The following WDR70 variants were observed in gnomAD, a reference collection of about 807,000 sequenced individuals.
The protein encoded by WDR70 is WD repeat-containing protein 70.
In WDR70, 53 loss-of-function variants were observed where a neutral mutation model predicts 88.6. That is an observed-to-expected ratio of 0.60 (90% CI 0.48 to 0.75). The LOEUF (loss-of-function observed/expected upper bound fraction) is 0.75, where lower values mean the gene tolerates loss of function less well. WDR70 is among the 30% of genes least tolerant of loss of function. The pLI is 0.00. For synonymous variants in WDR70, 280 were observed against 270.0 expected (o/e 1.04, Z -0.36); for missense variants, 610 against 823.2 (o/e 0.74, Z 3.17).
intron 8 of WDR70, among the ~76,000 whole-genome samples, chr5:37,483,148 A>T (rs1273875948): frequency 1.4e-5 from 2 of 142,208 alleles, no homozygotes; most frequent in African/African-American, 5.2e-5. Context: ...TGTTTCTCGC[A>T]GAGGGGGATT....
At chr5:37,691,730 T>C (rs1746801261) in intron 10 of WDR70, among the ~76,000 whole-genome samples, 1 of 152,222 alleles carries the variant, frequency 6.6e-6, no homozygotes, top group African/African-American at 2.4e-5. Context: ...GGGAAATTTA[T>C]AGCACTAAAT....
At chr5:37,479,563 G>T in intron 7 of WDR70, 1 of 252,230 alleles carries the variant, frequency 4.0e-6, no homozygotes, top group Non-Finnish European at 7.7e-6. Flanking sequence ...TAGAGATGGG[G>T]TTTCACCATG....
At chr5:37,385,970 A>ATT (rs35515826) in intron 3 of WDR70, among the ~76,000 whole-genome samples, 71 of 139,572 alleles carry the variant, frequency 5.1e-4, no homozygotes, top group Middle Eastern at 3.6e-3. Context: ...TGCCTGGCTA[A>ATT]TTTTTTTTTT....
chr5:37,559,004 G>T (rs1320896063), intron 9 of WDR70, among the ~76,000 whole-genome samples: 1 of 151,648 alleles, frequency 6.6e-6, no homozygotes, highest in Non-Finnish European at 1.5e-5. Context: ...TGTGCTCTTG[G>T]CTCACTGTAA....
Position 37,527,716 on chromosome 5 carries a change from T to C in WDR70, c.917+11126T>C, listed in dbSNP as rs575526654. Among the ~76,000 whole-genome samples the C allele has an allele frequency of 2.6e-5, 4 of 151,860 alleles. No individual in the cohort carries two copies. The South Asian group carries it at 8.3e-4, about 32-fold the overall frequency. ...AGGCAACCTACAAAATGGGAGAAAATTTTTGCAATCTACTCATCTGACAAA... is the reference window on the plus strand; with the variant it reads ...AGGCAACCTACAAAATGGGAGAAAACTTTTGCAATCTACTCATCTGACAAA... On this transcript the variant is annotated intron_variant, in intron 9 of 17. Transcript: ENST00000265107.
chr5:37,434,639 A>G (rs1014443600), intron 5 of WDR70, among the ~76,000 whole-genome samples: 1 of 152,154 alleles, frequency 6.6e-6, no homozygotes. Flanking sequence ...TTCTGTAAGG[A>G]TGTTCATCAG....
chr5:37,641,797 T>G (rs1039607812), intron 10 of WDR70, among the ~76,000 whole-genome samples: 1 of 152,304 alleles, frequency 6.6e-6, no homozygotes, highest in South Asian at 2.1e-4. Context: ...GTATAAACAT[T>G]AGGCTCATTT....
rs1272853373 is a variant in WDR70 at position 37,497,046 on chromosome 5, G to T, written c.840+17059G>T. Reference sequence around the variant, plus strand: ...TTTCTTTTATTGCAAATCATGAACTGTTTTCCTTGCTCAGAGGCAGATATC... The same window carrying T: ...TTTCTTTTATTGCAAATCATGAACTTTTTTCCTTGCTCAGAGGCAGATATC... On this transcript the variant is annotated intron_variant, in intron 8 of 17. Transcript: ENST00000265107. Among the ~76,000 whole-genome samples the T allele has an allele frequency of 3.3e-5, 5 of 152,340 alleles. No individual in the cohort carries two copies. The South Asian group carries it at 1.0e-3, about 32-fold the overall frequency.
In WDR70 at chr5:37,618,861, A is replaced by G. The variant is rs185057937; in HGVS notation, c.1092+13623A>G. On this transcript the variant is annotated intron_variant, in intron 10 of 17. Transcript: ENST00000265107. ...ACTACAAGAAGAGAAAGGTGGAAGC[A>G]GGGTGACTGGTTAGGGGCTATTTTA... Among the ~76,000 whole-genome samples the G allele has an allele frequency of 2.2e-4, 34 of 152,312 alleles. No homozygotes were observed. The South Asian group carries it at 6.8e-3, about 31-fold the overall frequency.
chr5:37,484,310 C>T (rs917637061), intron 8 of WDR70, among the ~76,000 whole-genome samples: 10 of 152,316 alleles, frequency 6.6e-5, no homozygotes, highest in African/African-American at 1.7e-4. Context: ...CCCGGCACCT[C>T]GGGAGGCTGA....
chr5:37,626,566 G>A (rs61168828), intron 10 of WDR70, among the ~76,000 whole-genome samples: 249 of 152,254 alleles, frequency 1.6e-3, no homozygotes, highest in African/African-American at 5.8e-3. Flanking sequence ...ACTGGCTGTA[G>A]TTTTCCGCTT....
intron 9 of WDR70, among the ~76,000 whole-genome samples, chr5:37,604,095 A>G (rs1743963994): frequency 6.6e-6 from 1 of 152,096 alleles, no homozygotes; most frequent in Non-Finnish European, 1.5e-5. Flanking sequence ...TCATTTTTAC[A>G]TTTGTAGTAT....
intron 10 of WDR70, among the ~76,000 whole-genome samples, chr5:37,678,959 C>G (rs1221961609): frequency 6.6e-6 from 1 of 152,310 alleles, no homozygotes; most frequent in Middle Eastern, 3.4e-3. Flanking sequence ...CTAAACTTCC[C>G]TTCTCGCTTC....
At chr5:37,509,314 G>A (rs1380678180) in intron 8 of WDR70, among the ~76,000 whole-genome samples, 1 of 151,694 alleles carries the variant, frequency 6.6e-6, no homozygotes, top group African/African-American at 2.4e-5. Flanking sequence ...TTTTTATTCA[G>A]TTCACTTGGG....
At chr5:37,599,717 C>T (rs1404901201) in intron 9 of WDR70, among the ~76,000 whole-genome samples, 1 of 152,018 alleles carries the variant, frequency 6.6e-6, no homozygotes, top group African/African-American at 2.4e-5. Flanking sequence ...CATGGCAAAA[C>T]CCCATCTCTA....
At chr5:37,487,407 A>T (rs1441120326) in intron 8 of WDR70, among the ~76,000 whole-genome samples, 2 of 151,602 alleles carry the variant, frequency 1.3e-5, no homozygotes, top group Admixed American at 1.3e-4. Flanking sequence ...GTAATTAGTA[A>T]TTGTGGTTTA....
chr5:37,489,567 G>A (rs999830178), intron 8 of WDR70, among the ~76,000 whole-genome samples: 4 of 151,890 alleles, frequency 2.6e-5, no homozygotes, highest in African/African-American at 7.3e-5. Context: ...GGTAGACTGG[G>A]CAGGGTGAAC....
At position 37,639,519 on chromosome 5, in the gene WDR70, T is replaced by TTTG. The variant is rs570968087; in HGVS notation, c.1092+34305_1092+34307dup. Among the ~76,000 whole-genome samples, 111 of 152,130 alleles carry TTTG rather than the reference T, an allele frequency of 7.3e-4. 1 individual carries two copies. The highest frequency in any genetic ancestry group is 1.3e-3 in the African/African-American group (52 of 41,528). On this transcript the variant is annotated intron_variant, in intron 10 of 17. Coordinates refer to ENST00000265107, the MANE Select transcript of WDR70 (RefSeq NM_018034.4). ...ATGAATGTTTTTATATCTTAATTCC[T>TTTG]TTGTTGTTGTTGTTGTTGTTGTTGT...
intron 9 of WDR70, among the ~76,000 whole-genome samples, chr5:37,531,031 A>G (rs994649594): frequency 4.6e-5 from 7 of 152,126 alleles, no homozygotes; most frequent in South Asian, 2.1e-4. Context: ...TTGAATTTCC[A>G]TCTTGATTTC....
Sources: gnomAD v4.1 joint callset for allele counts (sites outside exome capture counted in the v4.1 genomes callset) on GRCh38, gnomAD v4.1.1 for gene constraint, MANE v1.5 for transcripts, NCBI Gene and HGNC (gene_info 2026-07-23, HGNC 2026-07-21) for gene names.